HEXD: variants seen among roughly 807,000 people sequenced by gnomAD.
HEXD encodes N-acetyl-beta-galactosaminidase.
Under a neutral mutation model 54.2 loss-of-function variants are expected in HEXD, and 47 were observed. The ratio of observed to expected loss-of-function variants is 0.87; its 90% CI spans 0.69 to 1.11. The LOEUF is 1.11. Ranked by LOEUF, HEXD falls within the 50% of genes least tolerant of loss-of-function variation. The probability of loss-of-function intolerance (pLI) is 0.00; values close to 1 mark genes in which losing one functional copy is unlikely to be tolerated. For synonymous variants in HEXD, 293 were observed against 287.6 expected, an observed-to-expected ratio of 1.02 and a Z score of -0.19; for missense variants, 576 against 649.2, an observed-to-expected ratio of 0.89 and a Z score of 1.23.
intron 5 of HEXD, among the ~76,000 whole-genome samples, chr17:82,435,264 C>T (rs1292002430): frequency 6.6e-6 from 1 of 152,274 alleles, no homozygotes; most frequent in Non-Finnish European, 1.5e-5. Context: ...CCACGGTCTG[C>T]TTCCTATCTC....
At chr17:82,433,875 G>A (rs912440611) in intron 5 of HEXD, 53 bp downstream of exon 5, 3 of 1,496,514 alleles carry the variant, frequency 2.0e-6, no homozygotes, top group African/African-American at 2.9e-5. Context: ...ATCATGGCTT[G>A]TCCTTTTAAA....
At chr17:82,441,130 G>C (rs751339529) in intron 10 of HEXD, 35 bp from the exon 11 acceptor site, 2 of 1,613,284 alleles carry the variant, frequency 1.2e-6, no homozygotes, top group African/African-American at 1.3e-5. Context: ...TCCCCCGCCC[G>C]TGGAGACAGC....
chr17:82,435,805 G>T lies in HEXD; in HGVS notation c.564G>T (p.Arg188=), dbSNP rs531800344. 37 of 1,612,690 alleles carry T rather than the reference G, an allele frequency of 2.3e-5. No homozygotes were observed. The East Asian group carries it at 7.1e-4, about 31-fold the overall frequency. ...MRAVASGVKA[R]RPSVTPLVWD... is the part of the protein sequence containing the mutation. ...CGGTGGCCAGCGGCGTGAAGGCCCG[G>T]CGCCCCAGCGTGACACCCCTGGTGT... Residue 188 remains arginine (R), a synonymous_variant, in exon 6 of 13, where the codon CGG becomes CGT. Transcript: ENST00000327949.
chr17:82,433,395 A>G (rs1406042800), intron 4 of HEXD, among the ~76,000 whole-genome samples: 1 of 151,964 alleles, frequency 6.6e-6, no homozygotes, highest in Non-Finnish European at 1.5e-5. Flanking sequence ...GTGAGCCGAG[A>G]CTGTGCCACT....
At chr17:82,437,081 G>T in intron 7 of HEXD, 87 bp from the exon 8 acceptor site, 1 of 1,212,664 alleles carries the variant, frequency 8.2e-7, no homozygotes, top group Non-Finnish European at 1.2e-6. Context: ...CTCCCATGTT[G>T]GCTCTGGGTA....
intron 3 of HEXD, chr17:82,426,614 C>G (rs187915250): frequency 6.6e-6 from 1 of 152,276 alleles, no homozygotes; most frequent in Admixed American, 6.5e-5. Flanking sequence ...ATGTTAAACC[C>G]TCATAGTACT....
At chr17:82,429,935 C>T (rs1260407930) in intron 4 of HEXD, among the ~76,000 whole-genome samples, 1 of 152,174 alleles carries the variant, frequency 6.6e-6, no homozygotes, top group Non-Finnish European at 1.5e-5. Context: ...CAGCTGCCTG[C>T]TGGTCGCTTC....
intron 8 of HEXD, 94 bp downstream of exon 8, chr17:82,437,457 T>C: frequency 2.5e-6 from 3 of 1,182,278 alleles, no homozygotes; most frequent in Non-Finnish European, 3.4e-6. Context: ...CCTTCCCAGG[T>C]TGGTCAAAGG....
rs115150999 is a variant in HEXD at position 82,441,305 on chromosome 17, G to A, written c.1163+39G>A. 2,936 of 1,524,952 alleles carry A rather than the reference G, an allele frequency of 1.9e-3. 56 individuals carry two copies. In the African/African-American group the frequency reaches 0.037, roughly 19 times the overall value. 94.5% of individuals were successfully genotyped at this position (1,524,952 alleles called of 1,614,324 possible). ...TTAGGGGCAGGTGTGGGTGAGGGGG[G>A]CAGGCATGGGGCGGGTGCAGGTGAG... On this transcript the variant is annotated intron_variant, in intron 11 of 12. Transcript: ENST00000327949.
chr17:82,440,450 G>GT, intron 9 of HEXD: 1 of 621,186 alleles, frequency 1.6e-6, no homozygotes, highest in Non-Finnish European at 2.3e-6. Context: ...AAAGAGCTGT[G>GT]TTAATATTGA....
At chr17:82,419,634 C>A in intron 1 of HEXD, 115 bp from the exon 2 acceptor site, 1 of 515,072 alleles carries the variant, frequency 1.9e-6, no homozygotes, top group Non-Finnish European at 3.5e-6. Context: ...AATGAGTTTC[C>A]TCCAAGTTAA....
At chr17:82,436,579 C>A in intron 6 of HEXD, 88 bp from the exon 7 acceptor site, 1 of 1,128,228 alleles carries the variant, frequency 8.9e-7, no homozygotes. Flanking sequence ...TGTGCTCACA[C>A]TTTCAAGCAA....
At chr17:82,418,851 G>C (rs936852325) in intron 1 of HEXD, 111 bp downstream of exon 1, 3 of 152,232 alleles carry the variant, frequency 2.0e-5, no homozygotes, top group Non-Finnish European at 4.4e-5. Flanking sequence ...CCCGAGCGAC[G>C]CCTCCCAGCG....
chr17:82,439,812 C>T (rs1329270789), intron 9 of HEXD, 99 bp downstream of exon 9: 1 of 1,592,276 alleles, frequency 6.3e-7, no homozygotes. Context: ...CCCTGCTGGA[C>T]TGTGGTGGTC....
rs1339723867 is a variant in HEXD, at chr17:82,434,250, A to T, written c.447+428A>T. 2.0e-5 allele frequency among the ~76,000 whole-genome samples: 3 copies of T among 152,082 alleles called. No individual in the cohort carries two copies. Among genetic ancestry groups the T allele is most frequent in the Non-Finnish European group, 4.4e-5 (3 of 68,010 alleles). ...TGCTGAGAGGAAGTTCTGCATTTGGACCCTGAAGCACCCAATGGAAAAGGT... is the reference window on the plus strand; with the variant it reads ...TGCTGAGAGGAAGTTCTGCATTTGGTCCCTGAAGCACCCAATGGAAAAGGT... On this transcript the variant is annotated intron_variant, in intron 5 of 12. Transcript: ENST00000327949. The surrounding 1 kb of genome is among the most constrained non-coding windows in gnomAD (Gnocchi z 4.5).
At chr17:82,439,527 A>G in intron 8 of HEXD, 104 bp from the exon 9 acceptor site, 7 of 1,480,372 alleles carry the variant, frequency 4.7e-6, no homozygotes, top group Non-Finnish European at 6.2e-6. Context: ...GCGCTGATGT[A>G]GCCTAAGGCC....
intron 8 of HEXD, 53 bp downstream of exon 8, chr17:82,437,416 C>T (rs963890317): frequency 4.3e-5 from 63 of 1,450,162 alleles, no homozygotes; most frequent in Non-Finnish European, 5.4e-5. Context: ...CTGGTGGCCA[C>T]CACGTCGGCC....
intron 9 of HEXD, chr17:82,440,134 C>G: frequency 7.7e-7 from 1 of 1,293,690 alleles, no homozygotes; most frequent in South Asian, 1.2e-5. Flanking sequence ...GAGGGAGCAG[C>G]GGGACCCATG....
rs1467986790 is a variant in HEXD, at chr17:82,439,868, C to G, written c.982+155C>G. On this transcript the variant is annotated intron_variant, in intron 9 of 12. Transcript: ENST00000327949. Reference sequence around the variant, plus strand: ...TCACCGCCCCAGCTCAGCCACCCACCTGCCCTGAAGTCCACCCAGGCTGGG... The same window carrying G: ...TCACCGCCCCAGCTCAGCCACCCACGTGCCCTGAAGTCCACCCAGGCTGGG... The G allele has an allele frequency of 2.6e-6, 4 of 1,539,222 alleles. No individual in the cohort carries two copies. The South Asian group carries it at 4.7e-5, about 18-fold the overall frequency.
Sources: gnomAD v4.1 joint callset for allele counts (sites outside exome capture counted in the v4.1 genomes callset) on GRCh38, gnomAD v4.1.1 for gene constraint, Gnocchi (gnomAD v3.1) non-coding constraint, MANE v1.5 for transcripts, NCBI Gene and HGNC (gene_info 2026-07-23, HGNC 2026-07-21) for gene names.